Variants in CLVS1 observed in about 807,000 individuals in gnomAD.
The protein encoded by CLVS1 is clavesin-1.
In CLVS1, 10 loss-of-function variants were observed where a neutral mutation model predicts 33.1. The ratio of observed to expected loss-of-function variants is 0.30; its 90% CI spans 0.19 to 0.51. CLVS1 has a LOEUF of 0.51. Among genes scored for constraint, CLVS1 ranks in the 20% least tolerant of loss-of-function variants. The pLI is 0.97. For missense variants in CLVS1, 343 were observed against 433.4 expected (o/e 0.79, Z 1.85); for synonymous variants, 163 against 166.1 (o/e 0.98, Z 0.14).
intron 1 of CLVS1, among the ~76,000 whole-genome samples, chr8:61,087,084 T>A (rs1805140166): frequency 6.6e-6 from 1 of 152,108 alleles, no homozygotes; most frequent in East Asian, 1.9e-4. Context: ...CTGAACTCCA[T>A]CCTCCAGCTC....
chr8:61,362,211 C>G (rs935387289), intron 2 of CLVS1, among the ~76,000 whole-genome samples: 2 of 152,110 alleles, frequency 1.3e-5, no homozygotes, highest in African/African-American at 4.8e-5. Flanking sequence ...GTAGGAAGGT[C>G]TCCCTAAGAA....
chr8:61,131,739 T>A (rs1806102501), intron 1 of CLVS1: 1 of 151,632 alleles, frequency 6.6e-6, no homozygotes, highest in Non-Finnish European at 1.5e-5. Flanking sequence ...TTTTTTAAAA[T>A]CCAGACTTTT....
intron 2 of CLVS1, among the ~76,000 whole-genome samples, chr8:61,212,221 C>A (rs145381548): frequency 6.6e-6 from 1 of 152,180 alleles, no homozygotes; most frequent in African/African-American, 2.4e-5. Flanking sequence ...AGGGCTGCAG[C>A]GTCTGGGGAG....
intron 2 of CLVS1, among the ~76,000 whole-genome samples, chr8:61,374,633 A>C (rs113992588): frequency 0.014 from 2,205 of 152,356 alleles, 29 homozygotes; most frequent in Non-Finnish European, 0.023. Flanking sequence ...CTATTCTACA[A>C]CAACAGGAAT....
At chr8:61,234,611 G>A (rs1039337646) in intron 2 of CLVS1, among the ~76,000 whole-genome samples, 3 of 152,098 alleles carry the variant, frequency 2.0e-5, no homozygotes, top group African/African-American at 7.2e-5. Context: ...TGAGGGAATT[G>A]GATTATCCAA....
chr8:61,192,190 T>A (rs1018706282), intron 2 of CLVS1, among the ~76,000 whole-genome samples: 3 of 152,066 alleles, frequency 2.0e-5, no homozygotes, highest in South Asian at 2.1e-4. Flanking sequence ...TATAGACCAA[T>A]GGAACAGAAC....
intron 4 of CLVS1, among the ~76,000 whole-genome samples, chr8:61,455,485 T>G (rs574818739): frequency 2.6e-5 from 4 of 152,284 alleles, no homozygotes; most frequent in Middle Eastern, 3.4e-3. Flanking sequence ...TGGCTTATTT[T>G]TGTTAATATA....
At chr8:61,417,081 GA>G (rs1402454872) in intron 3 of CLVS1, among the ~76,000 whole-genome samples, 1 of 152,148 alleles carries the variant, frequency 6.6e-6, no homozygotes, top group Non-Finnish European at 1.5e-5. Flanking sequence ...GGCATAAGGA[GA>G]CAGAGAATGA....
chr8:61,398,809 T>A (rs959260553), intron 3 of CLVS1, among the ~76,000 whole-genome samples: 2 of 152,174 alleles, frequency 1.3e-5, no homozygotes, highest in African/African-American at 4.8e-5. Context: ...GTATATGGTT[T>A]TCTGTTCTTG....
At chr8:61,191,640 C>T (rs1027835901) in intron 2 of CLVS1, among the ~76,000 whole-genome samples, 101 of 151,986 alleles carry the variant, frequency 6.6e-4, no homozygotes, top group African/African-American at 2.4e-3. Context: ...CATCTCAGCC[C>T]AAAATCTCCT....
At chr8:61,259,835 C>T (rs61037552) in intron 2 of CLVS1, among the ~76,000 whole-genome samples, 40,638 of 152,150 alleles carry the variant, frequency 0.27, 8,185 homozygotes, top group East Asian at 0.85. Flanking sequence ...GCCTCAGCTG[C>T]AGCTGTGGGT....
At chr8:61,317,668 G>A (rs1260538299) in intron 2 of CLVS1, among the ~76,000 whole-genome samples, 1 of 152,012 alleles carries the variant, frequency 6.6e-6, no homozygotes, top group African/African-American at 2.4e-5. Context: ...TTCTCTTCTG[G>A]TTTAGAAGTT....
chr8:61,363,632 T>A (rs1310838429), intron 2 of CLVS1, among the ~76,000 whole-genome samples: 1 of 152,238 alleles, frequency 6.6e-6, no homozygotes. Flanking sequence ...ATAGGAAAAG[T>A]CAACCAGTCC....
chr8:61,208,932 C>G (rs1374543280), intron 2 of CLVS1, among the ~76,000 whole-genome samples: 1 of 152,084 alleles, frequency 6.6e-6, no homozygotes, highest in Non-Finnish European at 1.5e-5. Context: ...CTCTTGGATT[C>G]CTAAGACACA....
At chr8:61,477,924 T>C (rs927095090) in intron 5 of CLVS1, among the ~76,000 whole-genome samples, 5 of 152,236 alleles carry the variant, frequency 3.3e-5, no homozygotes, top group Non-Finnish European at 7.3e-5. Flanking sequence ...CTGCTTTCTT[T>C]TGTGGGCATT....
intron 1 of CLVS1, among the ~76,000 whole-genome samples, chr8:61,101,616 C>G (rs1021144764): frequency 2.0e-5 from 3 of 152,116 alleles, no homozygotes; most frequent in South Asian, 4.1e-4. Flanking sequence ...AAGTTTTTAA[C>G]TTTGATGATG....
At chr8:61,298,683 G>A (rs1810309465) in intron 1 of CLVS1, among the ~76,000 whole-genome samples, 1 of 152,160 alleles carries the variant, frequency 6.6e-6, no homozygotes, top group South Asian at 2.1e-4. Context: ...TTTATATTTA[G>A]TGTGTCTTCT....
chr8:61,130,336 A>G (rs968563624), intron 1 of CLVS1, among the ~76,000 whole-genome samples: 2 of 152,108 alleles, frequency 1.3e-5, no homozygotes, highest in Non-Finnish European at 2.9e-5. Flanking sequence ...GTTCCACCAC[A>G]GGTCAATATA....
chr8:61,149,075 T>C (rs1806471180), intron 2 of CLVS1, among the ~76,000 whole-genome samples: 1 of 152,206 alleles, frequency 6.6e-6, no homozygotes, highest in African/African-American at 2.4e-5. Context: ...AAATTTTTTT[T>C]GGTTGTTTTC....
Sources: allele counts gnomAD v4.1 joint callset (sites outside exome capture counted in the v4.1 genomes callset), GRCh38; gene constraint gnomAD v4.1.1; transcripts MANE v1.5; gene names NCBI Gene and HGNC (gene_info 2026-07-23, HGNC 2026-07-21).